PALM2AKAP2: variants seen among roughly 807,000 people sequenced by gnomAD.
The protein encoded by PALM2AKAP2 is PALM2 and AKAP2 fusion, also known as PALM2-AKAP2 fusion protein.
A neutral mutation model predicts 71.5 loss-of-function variants in PALM2AKAP2; 37 were observed. The ratio of observed to expected loss-of-function variants is 0.52; its 90% CI spans 0.40 to 0.68. The LOEUF (loss-of-function observed/expected upper bound fraction) is 0.68, where lower values mean the gene tolerates loss of function less well. PALM2AKAP2 is among the 30% of genes least tolerant of loss of function. PALM2AKAP2 has a pLI of 0.00. For missense variants in PALM2AKAP2, 1,224 were observed against 1,191.8 expected (o/e 1.03, Z -0.40); for synonymous variants, 468 against 478.8 (o/e 0.98, Z 0.29).
intron 1 of PALM2AKAP2, among the ~76,000 whole-genome samples, chr9:109,845,533 C>T (rs1828831049): frequency 6.6e-6 from 1 of 152,116 alleles, no homozygotes; most frequent in African/African-American, 2.4e-5. Flanking sequence ...CCTGGGTGAC[C>T]CTTACTGCGT....
intron 1 of PALM2AKAP2, among the ~76,000 whole-genome samples, chr9:110,078,363 T>G (rs185299316): frequency 1.3e-5 from 2 of 152,366 alleles, no homozygotes; most frequent in African/African-American, 4.8e-5. Context: ...ATTTGGTCAC[T>G]GTTTGCTGAA....
At chr9:109,662,657 T>A (rs1827417191) in intron 1 of PALM2AKAP2, among the ~76,000 whole-genome samples, 1 of 152,206 alleles carries the variant, frequency 6.6e-6, no homozygotes, top group Admixed American at 6.5e-5. Context: ...TGCCAGGTTT[T>A]GATATCAGGA....
chr9:109,780,823 C>A (rs900224093), intron 1 of PALM2AKAP2, among the ~76,000 whole-genome samples: 1 of 152,076 alleles, frequency 6.6e-6, no homozygotes, highest in Non-Finnish European at 1.5e-5. Flanking sequence ...GGTGGGGGGA[C>A]GACTCCAGGA....
chr9:109,855,198 G>A (rs1829130820), intron 1 of PALM2AKAP2, among the ~76,000 whole-genome samples: 1 of 152,072 alleles, frequency 6.6e-6, no homozygotes, highest in Admixed American at 6.5e-5. Context: ...TCAGCCTCCT[G>A]AGTAGTTGGG....
intron 1 of PALM2AKAP2, among the ~76,000 whole-genome samples, chr9:110,097,481 C>T (rs1215665899): frequency 6.7e-5 from 10 of 150,038 alleles, no homozygotes; most frequent in East Asian, 3.9e-4. Context: ...ACCTCCCAGA[C>T]GGGGTGGTGG....
At chr9:110,051,538 T>C (rs1833710236) in intron 1 of PALM2AKAP2, among the ~76,000 whole-genome samples, 1 of 152,226 alleles carries the variant, frequency 6.6e-6, no homozygotes, top group African/African-American at 2.4e-5. Context: ...GTCACGGTTA[T>C]TACCAGTCTC....
At position 109,795,871 on chromosome 9, in the gene PALM2AKAP2, C is replaced by G. The variant is rs943222245; in HGVS notation, c.45+15338C>G. Among the ~76,000 whole-genome samples the G allele has an allele frequency of 1.3e-3, 191 of 152,182 alleles. 1 individual carries two copies. The highest frequency in any genetic ancestry group is 4.5e-3 in the African/African-American group (185 of 41,436). On this transcript the variant is annotated intron_variant, in intron 1 of 9. Transcript: ENST00000302798. ...AGGTTTTGAGGAAAGGGCACCTTTT[C>G]TAGATCACAGAGTGCCATATGGGCG...
intron 1 of PALM2AKAP2, among the ~76,000 whole-genome samples, chr9:109,854,763 C>CTT (rs34401582): frequency 0.41 from 27,063 of 66,132 alleles, 9,546 homozygotes; most frequent in Non-Finnish European, 0.45. Flanking sequence ...AAGAATGTAT[C>CTT]TTTTTTTTTT....
At chr9:109,683,832 T>TATGATA (rs915021838) in intron 1 of PALM2AKAP2, among the ~76,000 whole-genome samples, 1 of 152,120 alleles carries the variant, frequency 6.6e-6, no homozygotes, top group Non-Finnish European at 1.5e-5. Context: ...CATTATTGGT[T>TATGATA]ATGATAATGT....
At chr9:109,829,493 C>T (rs1406938497) in intron 1 of PALM2AKAP2, among the ~76,000 whole-genome samples, 2 of 152,112 alleles carry the variant, frequency 1.3e-5, no homozygotes, top group Non-Finnish European at 1.5e-5. Context: ...TTCAGGGTGT[C>T]TTAGGACTAT....
intron 1 of PALM2AKAP2, among the ~76,000 whole-genome samples, chr9:109,849,007 C>T: frequency 6.6e-6 from 1 of 152,004 alleles, no homozygotes; most frequent in Non-Finnish European, 1.5e-5. Flanking sequence ...AGTTTGCCAG[C>T]TCCTGCACTA....
intron 7 of PALM2AKAP2, among the ~76,000 whole-genome samples, chr9:110,018,351 CAG>C (rs1833018573): frequency 1.3e-5 from 2 of 152,146 alleles, no homozygotes; most frequent in South Asian, 4.2e-4. Context: ...CATTTTGAGG[CAG>C]AGTCTTGCTC....
At chr9:110,010,461 A>G (rs1564258264) in intron 6 of PALM2AKAP2, among the ~76,000 whole-genome samples, 2 of 148,160 alleles carry the variant, frequency 1.3e-5, no homozygotes, top group Non-Finnish European at 3.0e-5. Context: ...TATATATATA[A>G]TATGTATTAT....
At chr9:110,051,994 C>T (rs996864767) in intron 1 of PALM2AKAP2, among the ~76,000 whole-genome samples, 2 of 151,984 alleles carry the variant, frequency 1.3e-5, no homozygotes, top group Admixed American at 1.3e-4. Flanking sequence ...GCTCCGCTTC[C>T]CCGGTTCACA....
intron 1 of PALM2AKAP2, among the ~76,000 whole-genome samples, chr9:109,763,591 A>G (rs1160487581): frequency 6.6e-6 from 1 of 152,120 alleles, no homozygotes; most frequent in East Asian, 1.9e-4. Flanking sequence ...AGACATGACC[A>G]CTCACTGGGT....
At chr9:110,076,218 C>T (rs1564291177) in intron 1 of PALM2AKAP2, among the ~76,000 whole-genome samples, 1 of 151,820 alleles carries the variant, frequency 6.6e-6, no homozygotes, top group Admixed American at 6.6e-5. Context: ...AATATTTTTC[C>T]TTCCATGTGA....
upstream of PALM2AKAP2, among the ~76,000 whole-genome samples, chr9:110,044,344 C>CTTTTTTTTTT (rs57314430): frequency 1.6e-3 from 129 of 80,164 alleles, no homozygotes; most frequent in Middle Eastern, 0.014. Flanking sequence ...TTCTTTCTTT[C>CTTTTTTTTTT]TTTTTTTTTT....
intron 1 of PALM2AKAP2, among the ~76,000 whole-genome samples, chr9:110,111,086 CT>C (rs34958946): frequency 0.075 from 6,325 of 83,916 alleles, 32 homozygotes; most frequent in East Asian, 0.14. Context: ...TTTCTTTCTT[CT>C]TTTTTTTTTT....
intron 2 of PALM2AKAP2, among the ~76,000 whole-genome samples, chr9:110,144,717 G>A (rs1309433821): frequency 7.2e-5 from 11 of 152,204 alleles, no homozygotes; most frequent in Non-Finnish European, 7.3e-5. Context: ...TACATTAAGT[G>A]GGTAAAGACT....
Sources: gnomAD v4.1 joint callset for allele counts (sites outside exome capture counted in the v4.1 genomes callset) on GRCh38, gnomAD v4.1.1 for gene constraint, MANE v1.5 for transcripts, NCBI Gene and HGNC (gene_info 2026-07-23, HGNC 2026-07-21) for gene names.